Variants in ARHGEF10L observed in about 807,000 individuals in gnomAD.
The protein encoded by ARHGEF10L is rho guanine nucleotide exchange factor 10-like protein.
Under a neutral mutation model 141.2 loss-of-function variants are expected in ARHGEF10L, and 69 were observed. The ratio of observed to expected loss-of-function variants is 0.49; its 90% CI spans 0.40 to 0.60. The LOEUF (loss-of-function observed/expected upper bound fraction) is 0.60. Among genes scored for constraint, ARHGEF10L ranks in the 20% least tolerant of loss-of-function variants. The probability of loss-of-function intolerance (pLI) is 0.00; values close to 1 mark genes in which losing one functional copy is unlikely to be tolerated. For missense variants in ARHGEF10L, 1,482 were observed against 1,734.3 expected (o/e 0.85, Z 2.58); for synonymous variants, 711 against 718.5 (o/e 0.99, Z 0.17).
At chr1:17,576,873 C>T (rs997901655) in intron 1 of ARHGEF10L, among the ~76,000 whole-genome samples, 31 of 152,350 alleles carry the variant, frequency 2.0e-4, no homozygotes, top group South Asian at 8.3e-4. Context: ...ACGTGGCCTT[C>T]GGTGTCACCG....
intron 21 of ARHGEF10L, among the ~76,000 whole-genome samples, chr1:17,645,049 G>A (rs1449690067): frequency 6.6e-6 from 1 of 152,140 alleles, no homozygotes; most frequent in African/African-American, 2.4e-5. Context: ...GGGTAGCGGG[G>A]GATCTGCAAC....
At chr1:17,610,984 A>G (rs2059519622) in intron 7 of ARHGEF10L, among the ~76,000 whole-genome samples, 1 of 151,670 alleles carries the variant, frequency 6.6e-6, no homozygotes, top group Non-Finnish European at 1.5e-5. Context: ...GATGGATTGC[A>G]TTGAACTCTC....
At chr1:17,640,334 G>T (rs759923607) in intron 21 of ARHGEF10L, 32 bp downstream of exon 21, 1 of 1,572,996 alleles carries the variant, frequency 6.4e-7, no homozygotes, top group Admixed American at 1.7e-5. Context: ...GTGCCTCAGG[G>T]GGCAGGGGTG....
chr1:17,657,629 A>T (rs1340646751), intron 25 of ARHGEF10L, among the ~76,000 whole-genome samples: 2 of 150,500 alleles, frequency 1.3e-5, no homozygotes, highest in Non-Finnish European at 3.0e-5. Context: ...TTTTTTTGCC[A>T]CTTGGCACTG....
At position 17,607,044 on chromosome 1, in the gene ARHGEF10L, C is replaced by T. The variant is rs979869364; in HGVS notation, c.434-758C>T. Among the ~76,000 whole-genome samples the T allele has an allele frequency of 6.6e-6, 1 of 152,234 alleles. No individual in the cohort carries two copies. The highest frequency in any genetic ancestry group is 2.4e-5 in the African/African-American group (1 of 41,460). ...CAGCTGCGCCCCCTACTGGAAGATC[C>T]CAGGCTGCACGTGAAGTCAGATTTG... On this transcript the variant is annotated intron_variant, in intron 6 of 28. Coordinates refer to ENST00000361221, the MANE Select transcript of ARHGEF10L (RefSeq NM_018125.4). The surrounding 1 kb of genome is among the most constrained non-coding windows in gnomAD (Gnocchi z 4.5).
intron 1 of ARHGEF10L, among the ~76,000 whole-genome samples, chr1:17,550,431 T>A (rs1570407737): frequency 6.6e-6 from 1 of 151,462 alleles, no homozygotes; most frequent in South Asian, 2.1e-4. Context: ...TCACTTGAGG[T>A]TGGGAGTTTG....
At chr1:17,669,834 A>C (rs1183935787) in intron 26 of ARHGEF10L, among the ~76,000 whole-genome samples, 1 of 152,252 alleles carries the variant, frequency 6.6e-6, no homozygotes, top group Non-Finnish European at 1.5e-5. Flanking sequence ...TCAGCAGTCC[A>C]GGAGCTCGGA....
intron 1 of ARHGEF10L, among the ~76,000 whole-genome samples, chr1:17,578,848 G>A (rs917585384): frequency 2.4e-4 from 36 of 152,196 alleles, no homozygotes; most frequent in African/African-American, 8.2e-4. Flanking sequence ...AAAGGCAGTT[G>A]CAGCACTGTG....
chr1:17,689,973 A>G (rs989802281), intron 27 of ARHGEF10L: 11 of 385,444 alleles, frequency 2.9e-5, no homozygotes, highest in South Asian at 1.7e-4. Context: ...TGTCTTACTT[A>G]CTCTTTGCAG....
intron 16 of ARHGEF10L, among the ~76,000 whole-genome samples, chr1:17,632,877 C>T (rs1295893423): frequency 6.6e-6 from 1 of 152,228 alleles, no homozygotes; most frequent in Non-Finnish European, 1.5e-5. Context: ...GCCTTTCCCC[C>T]ACAGACCGGA....
At chr1:17,564,634 A>G (rs1179696029) in intron 1 of ARHGEF10L, among the ~76,000 whole-genome samples, 1 of 152,114 alleles carries the variant, frequency 6.6e-6, no homozygotes, top group Admixed American at 6.5e-5. Flanking sequence ...GCTCTCATTT[A>G]TTGACTATGT....
At chr1:17,524,154 T>G in the ARHGEF10L span, among the ~76,000 whole-genome samples, 161 of 152,124 alleles carry the variant, frequency 1.1e-3, no homozygotes, top group Non-Finnish European at 1.7e-3. Context: ...GCACCTGTAG[T>G]TCCAGCTACT....
chr1:17,584,063 G>A (rs771154266), intron 2 of ARHGEF10L, among the ~76,000 whole-genome samples: 7 of 150,030 alleles, frequency 4.7e-5, no homozygotes, highest in Non-Finnish European at 7.4e-5. Flanking sequence ...ATTTTTTTTT[G>A]AGACAGAGTC....
intron 21 of ARHGEF10L, among the ~76,000 whole-genome samples, chr1:17,641,863 C>T (rs1047469294): frequency 2.0e-5 from 3 of 151,798 alleles, no homozygotes; most frequent in Admixed American, 6.6e-5. Context: ...TGTCTGTAGT[C>T]CCAGCTACTC....
chr1:17,601,463 T>A (rs1482180937), intron 4 of ARHGEF10L, among the ~76,000 whole-genome samples: 1 of 152,182 alleles, frequency 6.6e-6, no homozygotes, highest in Non-Finnish European at 1.5e-5. Context: ...TTTTCCTTTT[T>A]TTGATGGAGT....
At chr1:17,572,462 C>T (rs985022731) in intron 1 of ARHGEF10L, among the ~76,000 whole-genome samples, 2 of 152,158 alleles carry the variant, frequency 1.3e-5, no homozygotes, top group Middle Eastern at 3.2e-3. Flanking sequence ...TATTACCTTA[C>T]TTCTTCCTCA....
At chr1:17,537,684 C>G (rs866075516), upstream of ARHGEF10L, among the ~76,000 whole-genome samples, 57 of 151,916 alleles carry the variant, frequency 3.8e-4, no homozygotes, top group African/African-American at 1.3e-3. Flanking sequence ...GCATCCTGAG[C>G]TGGAGGCGTC....
chr1:17,683,434 C>T (rs1038413548), intron 26 of ARHGEF10L, among the ~76,000 whole-genome samples: 2 of 151,826 alleles, frequency 1.3e-5, no homozygotes, highest in African/African-American at 2.4e-5. Flanking sequence ...CGGGTGCTCA[C>T]TGCCCCCTGC....
Position 17,637,970 on chromosome 1 carries a change from G to A in ARHGEF10L, c.2010G>A (p.Thr670=), listed in dbSNP as rs201305917. 1.0e-5 allele frequency: 16 copies of A among 1,598,584 alleles called. No individual in the cohort carries two copies. Among genetic ancestry groups the A allele is most frequent in the Middle Eastern group, 3.3e-4 (2 of 6,068 alleles). The stretch of plus-strand genomic sequence containing the variant: ...ACCTGGCCGTGGTGGAGCAGATCAC[G>A]CTTCTCATCAGCACGCTGCACGGCA... The part of the protein sequence containing the change: ...QKDLAVVEQI[T]LLISTLHGTY... The change falls in exon 19 of 29, where the codon ACG becomes ACA. Residue 670 remains threonine, a synonymous_variant. Coordinates refer to ENST00000361221, the MANE Select transcript of ARHGEF10L (RefSeq NM_018125.4).
Sources: allele counts gnomAD v4.1 joint callset (sites outside exome capture counted in the v4.1 genomes callset), GRCh38; gene constraint gnomAD v4.1.1; non-coding constraint Gnocchi (gnomAD v3.1); transcripts MANE v1.5; gene names NCBI Gene and HGNC (gene_info 2026-07-23, HGNC 2026-07-21).